CALHM4: variants seen among roughly 807,000 people sequenced by gnomAD.
The protein encoded by CALHM4 is calcium homeostasis modulator protein 4.
In CALHM4, 16 loss-of-function variants were observed where a neutral mutation model predicts 13.3. The observed-to-expected ratio is 1.20, with a 90% CI of 0.81 to 1.82. CALHM4 has a LOEUF of 1.82. Among genes scored for constraint, CALHM4 ranks in the 40% most tolerant of loss-of-function variants. CALHM4 has a pLI of 0.00. For synonymous variants in CALHM4, 127 were observed against 137.1 expected (o/e 0.93, Z 0.52); for missense variants, 344 against 374.9 (o/e 0.92, Z 0.68).
chr6:116,530,985 A>G (rs549601656), intron 1 of CALHM4, among the ~76,000 whole-genome samples: 1 of 147,086 alleles, frequency 6.8e-6, no homozygotes, highest in Non-Finnish European at 1.5e-5. Flanking sequence ...ATATTTGTCA[A>G]TTACTTTGCC....
Position 116,553,908 on chromosome 6 carries a change from T to C in CALHM4, c.115T>C (p.Phe39Leu). Residue 39 changes from phenylalanine to leucine, a missense_variant, in exon 1 of 2, where the codon TTC becomes CTC. Coordinates refer to ENST00000368596, the MANE Select transcript of CALHM4 (RefSeq NM_001366078.2). ...GGQQLFSSSTFSCPCQVGKNF... is the reference protein window; with the variant it reads ...GGQQLFSSSTLSCPCQVGKNF... The stretch of plus-strand genomic sequence containing the variant: ...GCAACAACTCTTCTCCTCTTCTACA[T>C]TCAGCTGTCCTTGTCAGGTTGGAAA... The C allele has an allele frequency of 6.4e-7, 1 of 1,550,678 alleles. No homozygotes were observed. Among genetic ancestry groups the C allele is most frequent in the Non-Finnish European group, 8.7e-7 (1 of 1,147,012 alleles).
Position 116,558,171 on chromosome 6 carries a change from A to G in CALHM4, c.905A>G (p.Asn302Ser). Residue 302 changes from asparagine to serine, a missense_variant, in exon 2 of 2, where the codon AAT becomes AGT. By Grantham distance (46) the Asn-to-Ser change is conservative. Transcript: ENST00000368596. The part of the protein sequence containing the change: ...SFLGNRVDED[N>S]EEDRSRGIEL... ...CTTGGAAATAGGGTGGATGAGGATA[A>G]TGAGGAAGACAGATCAAGAGGTATT... is the stretch of plus-strand genomic sequence containing the variant. The G allele has an allele frequency of 6.2e-7, 1 of 1,613,956 alleles. No homozygotes were observed. The highest frequency in any genetic ancestry group is 8.5e-7 in the Non-Finnish European group (1 of 1,179,982).
chr6:116,553,444 C>G (rs1774168218), upstream of CALHM4, among the ~76,000 whole-genome samples: 1 of 152,178 alleles, frequency 6.6e-6, no homozygotes. Context: ...TTTCAATGCT[C>G]TATTTGCTGG....
Position 116,558,382 on chromosome 6 carries a change from C to A in CALHM4, c.*171C>A. The A allele has an allele frequency of 3.6e-6, 3 of 830,290 alleles. No individual in the cohort carries two copies. Among genetic ancestry groups the A allele is most frequent in the Non-Finnish European group, 5.2e-6 (3 of 575,362 alleles). 51.4% of individuals were successfully genotyped at this position (830,290 alleles called of 1,614,324 possible). Reference sequence around the variant, plus strand: ...AAATCAATCTATTAGATAATTGTGCCAATCTCTCATTTTGAAATTTTGCCA... The same window carrying A: ...AAATCAATCTATTAGATAATTGTGCAAATCTCTCATTTTGAAATTTTGCCA... On this transcript the variant is annotated 3_prime_UTR_variant, in exon 2 of 2. Coordinates refer to ENST00000368596, the MANE Select transcript of CALHM4 (RefSeq NM_001366078.2).
At chr6:116,545,971 G>T (rs1773759049) in intron 2 of CALHM4, among the ~76,000 whole-genome samples, 1 of 152,198 alleles carries the variant, frequency 6.6e-6, no homozygotes, top group Non-Finnish European at 1.5e-5. Context: ...ATTGTTGTAA[G>T]AATTAGAGAG....
chr6:116,531,930 C>A (rs1772753137), intron 1 of CALHM4, among the ~76,000 whole-genome samples: 2 of 150,560 alleles, frequency 1.3e-5, no homozygotes, highest in Admixed American at 1.3e-4. Flanking sequence ...ATGGAAAAAA[C>A]AAATGTTTCA....
chr6:116,543,270 G>A (rs773917375), intron 1 of CALHM4: 20 of 1,462,542 alleles, frequency 1.4e-5, no homozygotes, highest in African/African-American at 2.8e-5. Flanking sequence ...AGAAACAACA[G>A]CCATTCAATA....
chr6:116,552,028 T>C (rs900266655), upstream of CALHM4, among the ~76,000 whole-genome samples: 2 of 152,228 alleles, frequency 1.3e-5, no homozygotes, highest in Admixed American at 6.5e-5. Flanking sequence ...ATCATTATTT[T>C]TTGCTCCTGT....
chr6:116,545,588 T>C (rs1773734668), intron 2 of CALHM4: 6 of 1,376,076 alleles, frequency 4.4e-6, no homozygotes, highest in Non-Finnish European at 6.0e-6. Flanking sequence ...TATCAGTCCA[T>C]GTCTTTTTGT....
At position 116,543,665 on chromosome 6, in the gene CALHM4, A is replaced by G. The variant is rs540038158; in HGVS notation, c.-108-100A>G. On this transcript the variant is annotated intron_variant, in intron 1 of 2. Transcript: ENST00000368597. ...ATCTTTCTATGCATTTGCTTACATG[A>G]TAACTTGCAATGTATTTTCATGGAG... is the stretch of plus-strand genomic sequence containing the variant. The G allele has an allele frequency of 8.9e-5, 65 of 727,198 alleles. No individual in the cohort carries two copies. The African/African-American group carries it at 1.1e-3, about 12-fold the overall frequency. 45.0% of individuals were successfully genotyped at this position (727,198 alleles called of 1,614,324 possible). A position where few individuals can be genotyped will look rare whatever the true frequency, so the allele number is the denominator to read the frequency against.
chr6:116,545,666 C>CT (rs1367428298), intron 2 of CALHM4: 1 of 533,532 alleles, frequency 1.9e-6, no homozygotes, highest in East Asian at 3.3e-5. Flanking sequence ...TGCTTTTGCT[C>CT]TTTGCTGAGC....
intron 1 of CALHM4, among the ~76,000 whole-genome samples, chr6:116,556,811 T>G (rs1415666526): frequency 6.6e-6 from 1 of 152,210 alleles, no homozygotes. Context: ...CATTTTCCTT[T>G]TAAAGTATGT....
chr6:116,545,844 G>A (rs973254383), intron 2 of CALHM4, among the ~76,000 whole-genome samples: 4 of 152,272 alleles, frequency 2.6e-5, no homozygotes, highest in Admixed American at 6.5e-5. Flanking sequence ...TCTTTAGCCC[G>A]AGGGAGTTCA....
intron 2 of CALHM4, chr6:116,545,623 C>T (rs1773737539): frequency 1.0e-6 from 1 of 981,784 alleles, no homozygotes; most frequent in Non-Finnish European, 1.5e-6. Flanking sequence ...CTCTTCCTCG[C>T]TTTGAGACAG....
chr6:116,530,353 A>G (rs1417138340), intron 1 of CALHM4, among the ~76,000 whole-genome samples: 2 of 152,212 alleles, frequency 1.3e-5, no homozygotes, highest in African/African-American at 4.8e-5. Context: ...CTCTGCTAAC[A>G]TTCTTTGAAA....
At chr6:116,550,752 A>G (rs1774041467), upstream of CALHM4, among the ~76,000 whole-genome samples, 2 of 152,210 alleles carry the variant, frequency 1.3e-5, no homozygotes, top group East Asian at 1.9e-4. Context: ...GATTACACTT[A>G]TACGCCTGAA....
At chr6:116,548,947 G>C (rs1345468773), upstream of CALHM4, among the ~76,000 whole-genome samples, 1 of 152,160 alleles carries the variant, frequency 6.6e-6, no homozygotes, top group African/African-American at 2.4e-5. Flanking sequence ...GTAAGGTGGG[G>C]ACCATCTGTA....
chr6:116,532,265 C>CA (rs1554236225), intron 1 of CALHM4, among the ~76,000 whole-genome samples: 13 of 151,926 alleles, frequency 8.6e-5, no homozygotes, highest in African/African-American at 3.1e-4. Flanking sequence ...TCTTTTTTGT[C>CA]TTTTTTTTCC....
rs115220854 is a variant in CALHM4 at position 116,540,443 on chromosome 6, G to A, written c.-108-3322G>A. Reference sequence around the variant, plus strand: ...CGAGCCAAAAAGTCTTCCACAAGCCGCGTTCCAATGCCGTAACCCCTGTGG... The same window carrying A: ...CGAGCCAAAAAGTCTTCCACAAGCCACGTTCCAATGCCGTAACCCCTGTGG... On this transcript the variant is annotated intron_variant, in intron 1 of 2. Coordinates refer to the CALHM4 transcript ENST00000368597. 4.1e-5 allele frequency: 64 copies of A among 1,551,230 alleles called. No individual in the cohort carries two copies. In the African/African-American group the frequency reaches 6.7e-4, roughly 16 times the overall value.
Sources: gnomAD v4.1 joint callset for allele counts (sites outside exome capture counted in the v4.1 genomes callset) on GRCh38, gnomAD v4.1.1 for gene constraint, MANE v1.5 for transcripts, NCBI Gene and HGNC (gene_info 2026-07-23, HGNC 2026-07-21) for gene names.